AKAP13: variants seen among roughly 807,000 people sequenced by gnomAD.
The protein encoded by AKAP13 is A-kinase anchoring protein 13.
AKAP13 carries 80 observed loss-of-function variants against 264.5 expected under a neutral mutation model. The ratio of observed to expected loss-of-function variants is 0.30; its 90% CI spans 0.25 to 0.36. The LOEUF (loss-of-function observed/expected upper bound fraction) is 0.36, where lower values mean the gene tolerates loss of function less well. AKAP13 is among the 10% of genes least tolerant of loss of function. The probability of loss-of-function intolerance (pLI) is 1.00; values close to 1 mark genes in which losing one functional copy is unlikely to be tolerated. For synonymous variants in AKAP13, 1,380 were observed against 1,250.2 expected (o/e 1.10, Z -2.19); for missense variants, 3,712 against 3,435.2 (o/e 1.08, Z -2.01).
At chr15:85,696,939 G>A (rs2151649619) in intron 17 of AKAP13, among the ~76,000 whole-genome samples, 1 of 152,268 alleles carries the variant, frequency 6.6e-6, no homozygotes, top group Non-Finnish European at 1.5e-5. Flanking sequence ...AAGCAGAAAG[G>A]AACCTTACAG....
rs1231005444 is a variant in AKAP13 at position 85,656,988 on chromosome 15, A to G, written c.4745+1201A>G. ...CAACATAGGAGACCCCATCTCTACA[A>G]AAAAGAAAACAGCCGCGCATGGTAG... On this transcript the variant is annotated intron_variant, in intron 11 of 36. Coordinates refer to ENST00000394518, the MANE Select transcript of AKAP13 (RefSeq NM_007200.5). 2.0e-5 allele frequency among the ~76,000 whole-genome samples: 3 copies of G among 152,110 alleles called. No individual in the cohort carries two copies. In the East Asian group the frequency reaches 5.8e-4, roughly 29 times the overall value.
chr15:85,662,541 G>A, intron 12 of AKAP13: 5 of 1,475,912 alleles, frequency 3.4e-6, no homozygotes, highest in Non-Finnish European at 4.7e-6. Flanking sequence ...CTTCTGTGTG[G>A]CTGGGATGCA....
intron 7 of AKAP13, 26 bp from the exon 8 acceptor site, chr15:85,585,676 A>G: frequency 6.2e-7 from 1 of 1,613,674 alleles, no homozygotes; most frequent in East Asian, 2.2e-5. Context: ...TTAAAAATGT[A>G]CTCTGTAACC....
chr15:85,428,982 GGT>G (rs1184408264), intron 1 of AKAP13, among the ~76,000 whole-genome samples: 1 of 152,102 alleles, frequency 6.6e-6, no homozygotes, highest in Non-Finnish European at 1.5e-5. Flanking sequence ...ACCTTATAGT[GGT>G]GTTCTTACCC....
chr15:85,582,694 T>G (rs2079175957), intron 7 of AKAP13, among the ~76,000 whole-genome samples: 1 of 152,054 alleles, frequency 6.6e-6, no homozygotes, highest in Non-Finnish European at 1.5e-5. Context: ...CTAGGGGTGT[T>G]GTTGACGGGG....
intron 5 of AKAP13, among the ~76,000 whole-genome samples, chr15:85,547,443 A>G (rs1007306888): frequency 1.3e-5 from 2 of 148,622 alleles, no homozygotes; most frequent in African/African-American, 5.2e-5. Flanking sequence ...GAAAATTATG[A>G]TTAGCCATTC....
At chr15:85,459,463 T>TG (rs2150996014) in intron 1 of AKAP13, among the ~76,000 whole-genome samples, 1 of 148,274 alleles carries the variant, frequency 6.7e-6, no homozygotes, top group East Asian at 2.0e-4. Flanking sequence ...CCTCCCAAAG[T>TG]GATAGGATTA....
At chr15:85,436,974 C>T (rs1293503295) in intron 1 of AKAP13, among the ~76,000 whole-genome samples, 10 of 150,176 alleles carry the variant, frequency 6.7e-5, no homozygotes, top group African/African-American at 1.7e-4. Flanking sequence ...AAAATCAGAG[C>T]AGAACTGAAG....
chr15:85,610,455 A>G (rs1317360013), intron 8 of AKAP13, among the ~76,000 whole-genome samples: 1 of 152,236 alleles, frequency 6.6e-6, no homozygotes, highest in African/African-American at 2.4e-5. Context: ...CTTTGACACA[A>G]TCAAAAGTAT....
Position 85,748,491 on chromosome 15 carries a change from C to T in AKAP13, c.*3814C>T, listed in dbSNP as rs995852192. On this transcript the variant is annotated 3_prime_UTR_variant, in exon 37 of 37. Coordinates refer to ENST00000394518, the MANE Select transcript of AKAP13 (RefSeq NM_007200.5). ...CCCAGCCAGCCCCGTCGCTCTCGTC[C>T]ATCCTCAGAGACAAAGAAGAGGGCA... 1 of 152,264 alleles carries T rather than the reference C, an allele frequency of 6.6e-6. No individual in the cohort carries two copies. The highest frequency in any genetic ancestry group is 2.4e-5 in the African/African-American group (1 of 41,448). 9.4% of individuals were successfully genotyped at this position (152,264 alleles called of 1,614,324 possible).
At position 85,428,743 on chromosome 15, in the gene AKAP13, G is replaced by A. The variant is rs1230203606; in HGVS notation, c.-12+47945G>A. Among the ~76,000 whole-genome samples the A allele has an allele frequency of 3.4e-4, 52 of 152,216 alleles. 1 individual carries two copies. Among genetic ancestry groups the A allele is most frequent in the Admixed American group, 3.3e-3 (51 of 15,282 alleles). On this transcript the variant is annotated intron_variant, in intron 1 of 36. Transcript: ENST00000394518. ...TGCATATCAGAGATGGTAGCTGTCG[G>A]TAGTGCTGTGGGTTGTCTACAGGAA...
chr15:85,675,699 G>A (rs1391717994), intron 14 of AKAP13, among the ~76,000 whole-genome samples: 1 of 152,168 alleles, frequency 6.6e-6, no homozygotes, highest in Non-Finnish European at 1.5e-5. Context: ...GGGGTCAGAA[G>A]GCTGACTAAG....
At chr15:85,484,658 C>G (rs1229691959) in intron 1 of AKAP13, among the ~76,000 whole-genome samples, 2 of 152,086 alleles carry the variant, frequency 1.3e-5, no homozygotes, top group Non-Finnish European at 2.9e-5. Flanking sequence ...TGATCCGAGA[C>G]ATACACAACT....
chr15:85,568,040 T>A (rs2078672240), intron 5 of AKAP13, among the ~76,000 whole-genome samples: 1 of 151,778 alleles, frequency 6.6e-6, no homozygotes, highest in South Asian at 2.1e-4. Context: ...CCCAGCACTT[T>A]GGGAGACTGA....
chr15:85,483,838 A>G (rs2075435137), intron 1 of AKAP13, among the ~76,000 whole-genome samples: 1 of 152,072 alleles, frequency 6.6e-6, no homozygotes, highest in Non-Finnish European at 1.5e-5. Context: ...AAAATTATGA[A>G]ATTTTCTTTT....
chr15:85,458,876 A>G (rs139441105), intron 1 of AKAP13, among the ~76,000 whole-genome samples: 1,717 of 152,322 alleles, frequency 0.011, 114 homozygotes, highest in Admixed American at 0.1. Flanking sequence ...AATGGCTTCT[A>G]TCACTCCAGC....
chr15:85,702,584 G>A (rs12437886), intron 17 of AKAP13: 49,279 of 151,888 alleles, frequency 0.32, 8,310 homozygotes, highest in East Asian at 0.52. Context: ...TTCCCATTGT[G>A]GTTAAGTGTA....
At chr15:85,395,312 GTCTT>G (rs1567036327) in intron 1 of AKAP13, among the ~76,000 whole-genome samples, 1 of 152,136 alleles carries the variant, frequency 6.6e-6, no homozygotes. Context: ...TGTTTTTCAA[GTCTT>G]TCTTTTTTTC....
chr15:85,627,047 G>A (rs2081440764), intron 8 of AKAP13, among the ~76,000 whole-genome samples: 1 of 152,138 alleles, frequency 6.6e-6, no homozygotes, highest in South Asian at 2.1e-4. Flanking sequence ...CAGCAAGTAT[G>A]AGCTTTCCAA....
Sources: gnomAD v4.1 joint callset for allele counts (sites outside exome capture counted in the v4.1 genomes callset) on GRCh38, gnomAD v4.1.1 for gene constraint, MANE v1.5 for transcripts, NCBI Gene and HGNC (gene_info 2026-07-23, HGNC 2026-07-21) for gene names.